AGAP1: variants seen among roughly 807,000 people sequenced by gnomAD.
The protein encoded by AGAP1 is arf-GAP with GTPase, ANK repeat and PH domain-containing protein 1.
AGAP1 carries 29 observed loss-of-function variants against 105.3 expected under a neutral mutation model. The observed-to-expected ratio is 0.28, with a 90% CI of 0.21 to 0.38. The LOEUF is 0.38. Ranked by LOEUF, AGAP1 falls within the 10% of genes least tolerant of loss-of-function variation. The pLI is 1.00. For missense variants in AGAP1, 998 were observed against 1,165.1 expected, an observed-to-expected ratio of 0.86 and a Z score of 2.09; for synonymous variants, 509 against 485.9, an observed-to-expected ratio of 1.05 and a Z score of -0.63.
intron 8 of AGAP1, among the ~76,000 whole-genome samples, chr2:235,802,210 G>A (rs915595663): frequency 2.0e-5 from 3 of 152,186 alleles, no homozygotes; most frequent in Non-Finnish European, 2.9e-5. Context: ...TGCACACTAG[G>A]AGGAGAGACC....
Position 235,977,841 on chromosome 2 carries a change from T to A in AGAP1, c.1645+9218T>A, listed in dbSNP as rs1049964497. 1.3e-5 allele frequency among the ~76,000 whole-genome samples: 2 copies of A among 152,324 alleles called. No homozygotes were observed. Among genetic ancestry groups the A allele is most frequent in the East Asian group, 3.9e-4 (2 of 5,182 alleles). On this transcript the variant is annotated intron_variant, in intron 13 of 17. Transcript: ENST00000304032. The surrounding 1 kb of genome is among the most constrained non-coding windows in gnomAD (Gnocchi z 5.2). ...ATGAAATAAAATTGCACCTACCGTT[T>A]GTCTTAGCTCAGCCTGCCATATCAA...
At chr2:235,597,303 A>G (rs1156265894) in intron 1 of AGAP1, among the ~76,000 whole-genome samples, 1 of 152,054 alleles carries the variant, frequency 6.6e-6, no homozygotes, top group Non-Finnish European at 1.5e-5. Flanking sequence ...GCTCAGGGCC[A>G]CCTCCACTCT....
At chr2:235,974,696 A>G (rs751027103) in intron 13 of AGAP1, among the ~76,000 whole-genome samples, 1 of 150,626 alleles carries the variant, frequency 6.6e-6, no homozygotes, top group African/African-American at 2.5e-5. Flanking sequence ...TCACTGAGCA[A>G]TGAAATGTTG....
intron 13 of AGAP1, among the ~76,000 whole-genome samples, chr2:236,033,836 T>C (rs955814150): frequency 1.3e-5 from 2 of 152,242 alleles, no homozygotes; most frequent in African/African-American, 4.8e-5. Flanking sequence ...CAGGAAAGCT[T>C]TACAGGGGAC....
intron 10 of AGAP1, among the ~76,000 whole-genome samples, chr2:235,895,087 C>T (rs1322092139): frequency 6.6e-6 from 1 of 152,240 alleles, no homozygotes; most frequent in Admixed American, 6.5e-5. Flanking sequence ...GCAGACCATA[C>T]TCCCCTGAGT....
At chr2:235,498,722 C>G (rs892580478) in intron 1 of AGAP1, among the ~76,000 whole-genome samples, 1 of 152,208 alleles carries the variant, frequency 6.6e-6, no homozygotes, top group South Asian at 2.1e-4. Context: ...CCAGGCGGCC[C>G]GATTCCCAGG....
At chr2:235,570,842 G>A (rs1424917630) in intron 1 of AGAP1, among the ~76,000 whole-genome samples, 1 of 152,228 alleles carries the variant, frequency 6.6e-6, no homozygotes, top group Non-Finnish European at 1.5e-5. Flanking sequence ...TGCCTGGCAA[G>A]TACTGCTGCT....
At chr2:236,022,783 C>A (rs966708458) in intron 13 of AGAP1, among the ~76,000 whole-genome samples, 1 of 152,214 alleles carries the variant, frequency 6.6e-6, no homozygotes, top group Admixed American at 6.5e-5. Context: ...GATCCGCCCC[C>A]ACCCCAGGCC....
rs1943929400 is a variant in AGAP1 at position 235,555,038 on chromosome 2, G to A, written c.163+60189G>A. On this transcript the variant is annotated intron_variant, in intron 1 of 17. Transcript: ENST00000304032. This position sits in a 1 kb window ranked among gnomAD's most constrained non-coding sequence, Gnocchi z 5.1. Reference sequence around the variant, plus strand: ...CAGTTCAATTGTAGAGGGTCCTGGAGAGGAGGTGGAGCAGTTGCCTTCTCA... The same window carrying A: ...CAGTTCAATTGTAGAGGGTCCTGGAAAGGAGGTGGAGCAGTTGCCTTCTCA... 6.6e-6 allele frequency among the ~76,000 whole-genome samples: 1 copy of A among 152,340 alleles called. No individual in the cohort carries two copies. Among genetic ancestry groups the A allele is most frequent in the South Asian group, 2.1e-4 (1 of 4,826 alleles).
chr2:235,853,530 A>C (rs2048564314), intron 9 of AGAP1, among the ~76,000 whole-genome samples: 2 of 152,150 alleles, frequency 1.3e-5, no homozygotes, highest in Non-Finnish European at 2.9e-5. Flanking sequence ...ATTAAATGGA[A>C]GTTTTGTTTC....
intron 9 of AGAP1, among the ~76,000 whole-genome samples, chr2:235,859,405 C>CCCCCCCCCCCCCCCCCCG (rs1553652486): frequency 2.7e-5 from 2 of 74,972 alleles, no homozygotes; most frequent in African/African-American, 8.2e-5. Flanking sequence ...CCCCCCCCCC[C>CCCCCCCCCCCCCCCCCCG]CCGCCTTTTG....
intron 1 of AGAP1, among the ~76,000 whole-genome samples, chr2:235,587,732 G>A (rs1221946560): frequency 6.7e-6 from 1 of 148,786 alleles, no homozygotes; most frequent in Non-Finnish European, 1.5e-5. Context: ...TCCAGTCTGG[G>A]CAACAAGAGC....
In AGAP1 at chr2:235,550,103, T is replaced by C. The variant is rs975094750; in HGVS notation, c.163+55254T>C. On this transcript the variant is annotated intron_variant, in intron 1 of 17. Coordinates refer to ENST00000304032, the MANE Select transcript of AGAP1 (RefSeq NM_001037131.3). This position sits in a 1 kb window ranked among gnomAD's most constrained non-coding sequence, Gnocchi z 4.6. ...GCTGCTTCAGAGATCAAGTGGCATG[T>C]CCACATCTGGAGTAGACCCTGAGTG... Among the ~76,000 whole-genome samples, 1 of 152,168 alleles carries C rather than the reference T, an allele frequency of 6.6e-6. No individual in the cohort carries two copies. Among genetic ancestry groups the C allele is most frequent in the Non-Finnish European group, 1.5e-5 (1 of 68,028 alleles).
At position 235,993,982 on chromosome 2, in the gene AGAP1, G is replaced by A. The variant is rs2055680904; in HGVS notation, c.1645+25359G>A. Reference sequence around the variant, plus strand: ...TGTCCTAGGAACACAGGTCCTAGGTGTTTTTTTTTAGCTTGGGAAAGTTAC... The same window carrying A: ...TGTCCTAGGAACACAGGTCCTAGGTATTTTTTTTTAGCTTGGGAAAGTTAC... On this transcript the variant is annotated intron_variant, in intron 13 of 17. Transcript: ENST00000304032. This position sits in a 1 kb window ranked among gnomAD's most constrained non-coding sequence, Gnocchi z 5.0. Among the ~76,000 whole-genome samples the A allele has an allele frequency of 6.6e-6, 1 of 151,164 alleles. No individual in the cohort carries two copies. Among genetic ancestry groups the A allele is most frequent in the South Asian group, 2.1e-4 (1 of 4,756 alleles).
chr2:236,118,219 G>A (rs1196349595), intron 16 of AGAP1, among the ~76,000 whole-genome samples: 3 of 152,108 alleles, frequency 2.0e-5, no homozygotes, highest in Non-Finnish European at 2.9e-5. Flanking sequence ...AGACTTTCGC[G>A]GAAGCCCTGA....
intron 11 of AGAP1, among the ~76,000 whole-genome samples, chr2:235,909,316 A>G (rs777864251): frequency 2.6e-5 from 4 of 152,250 alleles, no homozygotes; most frequent in African/African-American, 4.8e-5. Context: ...CATTTGACCT[A>G]TATAAAATGT....
At position 236,095,858 on chromosome 2, in the gene AGAP1, A is replaced by G. The variant is rs1381851361; in HGVS notation, c.2115-24334A>G. Among the ~76,000 whole-genome samples the G allele has an allele frequency of 2.0e-5, 3 of 152,058 alleles. No individual in the cohort carries two copies. Among genetic ancestry groups the G allele is most frequent in the Non-Finnish European group, 2.9e-5 (2 of 68,012 alleles). ...ATTTTTGAGTTTTGCATCATGGCGCATAGCTGCTTTTTTCCTTTTAGGATG... is the reference window on the plus strand; with the variant it reads ...ATTTTTGAGTTTTGCATCATGGCGCGTAGCTGCTTTTTTCCTTTTAGGATG... On this transcript the variant is annotated intron_variant, in intron 16 of 17. Transcript: ENST00000304032. This position sits in a 1 kb window ranked among gnomAD's most constrained non-coding sequence, Gnocchi z 4.1.
rs1013762001 is a variant in AGAP1, at chr2:236,020,144, A to G, written c.1646-16417A>G. Reference sequence around the variant, plus strand: ...TCTCTGTACCTCAGTTTCCCCACCTATAAACTGGGGTGATGACACCCACTG... The same window carrying G: ...TCTCTGTACCTCAGTTTCCCCACCTGTAAACTGGGGTGATGACACCCACTG... On this transcript the variant is annotated intron_variant, in intron 13 of 17. Coordinates refer to ENST00000304032, the MANE Select transcript of AGAP1 (RefSeq NM_001037131.3). This position sits in a 1 kb window ranked among gnomAD's most constrained non-coding sequence, Gnocchi z 5.0. Among the ~76,000 whole-genome samples, 3 of 152,152 alleles carry G rather than the reference A, an allele frequency of 2.0e-5. No homozygotes were observed. The highest frequency in any genetic ancestry group is 7.2e-5 in the African/African-American group (3 of 41,424).
At chr2:235,710,421 A>G (rs1163550065) in intron 2 of AGAP1, among the ~76,000 whole-genome samples, 1 of 152,186 alleles carries the variant, frequency 6.6e-6, no homozygotes, top group Non-Finnish European at 1.5e-5. Flanking sequence ...CGTCTCTCTC[A>G]TTGGTGTCTG....
Sources: gnomAD v4.1 joint callset for allele counts (sites outside exome capture counted in the v4.1 genomes callset) on GRCh38, gnomAD v4.1.1 for gene constraint, Gnocchi (gnomAD v3.1) non-coding constraint, MANE v1.5 for transcripts, NCBI Gene and HGNC (gene_info 2026-07-23, HGNC 2026-07-21) for gene names.